The following PWWP2B variants were observed in gnomAD, a reference collection of about 807,000 sequenced individuals.
The protein encoded by PWWP2B is PWWP domain containing 2B.
Under a neutral mutation model 15.5 loss-of-function variants are expected in PWWP2B, and 9 were observed. The ratio of observed to expected loss-of-function variants is 0.58; its 90% confidence interval spans 0.35 to 1.02. PWWP2B has a LOEUF of 1.02. PWWP2B is among the 50% of genes least tolerant of loss of function. The pLI, the probability that PWWP2B is intolerant of heterozygous loss-of-function variation, is 0.02. For synonymous variants in PWWP2B, 474 were observed against 403.6 expected, an observed-to-expected ratio of 1.17 and a Z score of -2.09; for missense variants, 864 against 865.3, an observed-to-expected ratio of 1.00 and a Z score of 0.02.
chr10:132,400,985 G>A (rs2069607672), intron 1 of PWWP2B, among the ~76,000 whole-genome samples: 1 of 152,256 alleles, frequency 6.6e-6, no homozygotes, highest in Non-Finnish European at 1.5e-5. Context: ...AGTGCAGGGG[G>A]CTTGGGCAGG....
intron 1 of PWWP2B, among the ~76,000 whole-genome samples, chr10:132,401,710 G>A (rs970459996): frequency 5.3e-5 from 8 of 152,252 alleles, no homozygotes; most frequent in African/African-American, 1.7e-4. Flanking sequence ...GGAGACCCCC[G>A]TGGGTACCCA....
chr10:132,408,567 C>T (rs923997258), intron 2 of PWWP2B, among the ~76,000 whole-genome samples: 1 of 152,164 alleles, frequency 6.6e-6, no homozygotes, highest in African/African-American at 2.4e-5. Flanking sequence ...GTCGTCCTCC[C>T]AGCTCCCGCC....
At chr10:132,398,665 T>C (rs922649724) in intron 1 of PWWP2B, among the ~76,000 whole-genome samples, 2 of 151,940 alleles carry the variant, frequency 1.3e-5, no homozygotes, top group East Asian at 3.9e-4. Context: ...GGCCCATGGC[T>C]AACCTGGTTT....
intron 1 of PWWP2B, among the ~76,000 whole-genome samples, chr10:132,399,188 C>T (rs1176590693): frequency 6.6e-6 from 1 of 152,258 alleles, no homozygotes; most frequent in Non-Finnish European, 1.5e-5. Context: ...AGTTTCTCAT[C>T]AGGGCGTGGT....
intron 2 of PWWP2B, among the ~76,000 whole-genome samples, chr10:132,416,761 A>G (rs1179505017): frequency 6.6e-6 from 1 of 151,900 alleles, no homozygotes; most frequent in Non-Finnish European, 1.5e-5. Flanking sequence ...CCCCACCAAG[A>G]GGCCACAAGG....
rs2069873537 is a variant in PWWP2B at position 132,417,339 on chromosome 10, C to G, written c.*295C>G. On this transcript the variant is annotated 3_prime_UTR_variant, in exon 3 of 3. Transcript: ENST00000305233. ...CTTGCTGGCTGCTGGCTGCTGCTGC[C>G]TCGCGCGCTGGGGTTCCATGGAGGA... is the stretch of plus-strand genomic sequence containing the variant. The G allele has an allele frequency of 1.9e-6, 1 of 515,288 alleles. No homozygotes were observed. Among genetic ancestry groups the G allele is most frequent in the Non-Finnish European group, 3.5e-6 (1 of 289,462 alleles). 31.9% of individuals were successfully genotyped at this position (515,288 alleles called of 1,614,324 possible).
rs536786071 is a variant in PWWP2B, at chr10:132,398,741, A to G, written c.125+1390A>G. 8.7e-4 allele frequency among the ~76,000 whole-genome samples: 132 copies of G among 152,314 alleles called. 2 individuals carry two copies. The highest frequency in any genetic ancestry group is 3.0e-3 in the African/African-American group (126 of 41,558). ...GGCCCGATGGGACCCCCGGCGTGGG[A>G]ACTGGCAGCTGTAGGATGCATGGGT... On this transcript the variant is annotated intron_variant, in intron 1 of 2. Coordinates refer to ENST00000305233, the MANE Select transcript of PWWP2B (RefSeq NM_138499.4).
chr10:132,404,990 C>A lies in PWWP2B; in HGVS notation c.490C>A (p.Leu164Ile). 6.4e-7 allele frequency: 1 copy of A among 1,569,618 alleles called. No homozygotes were observed. Among genetic ancestry groups the A allele is most frequent in the Non-Finnish European group, 8.6e-7 (1 of 1,165,328 alleles). The change falls in exon 2 of 3, where the codon CTC (leucine) becomes ATC (isoleucine). Residue 164 changes from leucine to isoleucine, a missense_variant. By Grantham distance (5) the Leu-to-Ile change is conservative. This residue lies in a region of PWWP2B where 736 missense variants were observed against 687.7 expected (regional missense o/e 1.07). Coordinates refer to ENST00000305233, the MANE Select transcript of PWWP2B (RefSeq NM_138499.4). ...RLSRNRDPGR[L>I]ILSTIRLRPR... ...GTCCCGCAACCGCGACCCGGGGCGCCTCATCCTCAGCACCATCCGCCTGCG... is the reference window on the plus strand; with the variant it reads ...GTCCCGCAACCGCGACCCGGGGCGCATCATCCTCAGCACCATCCGCCTGCG...
chr10:132,408,022 A>G (rs1310760064), intron 2 of PWWP2B, among the ~76,000 whole-genome samples: 1 of 152,150 alleles, frequency 6.6e-6, no homozygotes, highest in Non-Finnish European at 1.5e-5. Context: ...GGGAGGACAC[A>G]GTCTTGCAGG....
At chr10:132,399,528 G>T (rs1263576695) in intron 1 of PWWP2B, among the ~76,000 whole-genome samples, 4 of 152,278 alleles carry the variant, frequency 2.6e-5, no homozygotes, top group Non-Finnish European at 5.9e-5. Flanking sequence ...GGCTTGGCAG[G>T]TGGGTGGAAT....
intron 2 of PWWP2B, among the ~76,000 whole-genome samples, chr10:132,410,306 AG>A (rs1363269152): frequency 6.8e-6 from 1 of 147,184 alleles, no homozygotes; most frequent in African/African-American, 2.5e-5. Flanking sequence ...GGTCAGGCAG[AG>A]GGCTGGGGGC....
chr10:132,416,012 C>T (rs1241745281), intron 2 of PWWP2B, among the ~76,000 whole-genome samples: 2 of 152,368 alleles, frequency 1.3e-5, no homozygotes, highest in African/African-American at 4.8e-5. Context: ...CCAGGCCTCC[C>T]CGCGTGCCGC....
In PWWP2B at chr10:132,417,078, C is replaced by T. The variant is rs755615247; in HGVS notation, c.*34C>T. ...CCCCCAAGGTCACCGACGATGAGGG[C>T]GCACCTGCTGTCCTGGAGCTTCCGA... On this transcript the variant is annotated 3_prime_UTR_variant, in exon 3 of 3. Transcript: ENST00000305233. The T allele has an allele frequency of 1.1e-4, 185 of 1,613,570 alleles. 1 individual carries two copies. Among genetic ancestry groups the T allele is most frequent in the East Asian group, 2.9e-4 (13 of 44,888 alleles).
intron 1 of PWWP2B, among the ~76,000 whole-genome samples, chr10:132,403,336 T>A (rs1288026100): frequency 1.3e-5 from 2 of 152,156 alleles, no homozygotes; most frequent in African/African-American, 4.8e-5. Context: ...TCCATCTCCC[T>A]CTCTTTTTTC....
At chr10:132,416,848 C>A (rs2069863851) in intron 2 of PWWP2B, among the ~76,000 whole-genome samples, 1 of 152,024 alleles carries the variant, frequency 6.6e-6, no homozygotes, top group South Asian at 2.1e-4. Context: ...GTGGTCTGAG[C>A]CCCCAAGCAT....
intron 1 of PWWP2B, among the ~76,000 whole-genome samples, chr10:132,403,191 C>T (rs909257624): frequency 3.3e-5 from 5 of 152,172 alleles, no homozygotes; most frequent in Non-Finnish European, 5.9e-5. Context: ...GGGCGGGTGG[C>T]GCTCACTCTG....
intron 2 of PWWP2B, among the ~76,000 whole-genome samples, chr10:132,414,944 C>T (rs569698780): frequency 2.0e-4 from 30 of 152,252 alleles, no homozygotes; most frequent in African/African-American, 6.5e-4. Context: ...GCCTCCTGCT[C>T]CCCCTGGGAC....
chr10:132,404,789 A>ACC lies in PWWP2B; in HGVS notation c.291_292dup (p.Arg98ProfsTer89). ...CCGCGGGGTTCAGCCCCCCGAGACCACCCGCCCCGAGCCACCCCCGCCCCT... is the reference window on the plus strand; with the variant it reads ...CCGCGGGGTTCAGCCCCCCGAGACCACCCCCGCCCCGAGCCACCCCCGCCCCT... On this transcript the variant is annotated frameshift_variant, in exon 2 of 3. Transcript: ENST00000305233. LOFTEE classifies it high-confidence loss of function. 5 of 1,300,688 alleles carry ACC rather than the reference A, an allele frequency of 3.8e-6. No individual in the cohort carries two copies. Among genetic ancestry groups the ACC allele is most frequent in the Non-Finnish European group, 4.1e-6 (4 of 966,746 alleles). The allele number at this position is 1,300,688 out of a possible 1,614,324, so 80.6% of individuals were successfully genotyped here.
rs202040797 is a variant in PWWP2B at position 132,405,358 on chromosome 10, G to T, written c.858G>T (p.Pro286=). The T allele has an allele frequency of 1.9e-6, 3 of 1,611,170 alleles. No individual in the cohort carries two copies. Among genetic ancestry groups the T allele is most frequent in the African/African-American group, 1.3e-5 (1 of 74,900 alleles). The change falls in exon 2 of 3, where the codon CCG becomes CCT. Residue 286 remains proline, a synonymous_variant. Coordinates refer to ENST00000305233, the MANE Select transcript of PWWP2B (RefSeq NM_138499.4). ...SLEPFRPQQA[P]QDDGSQDPEV... is the part of the protein sequence containing the mutation. ...AGCCCTTCCGTCCCCAGCAGGCCCC[G>T]CAGGACGACGGCAGCCAGGACCCCG... is the stretch of plus-strand genomic sequence containing the variant.
Sources: gnomAD v4.1 joint callset for allele counts (sites outside exome capture counted in the v4.1 genomes callset) on GRCh38, gnomAD v4.1.1 for gene constraint, gnomAD v4.1.1 regional missense constraint, MANE v1.5 for transcripts, NCBI Gene and HGNC (gene_info 2026-07-23, HGNC 2026-07-21) for gene names.